KIF15: variants seen among roughly 807,000 people sequenced by gnomAD.
KIF15 encodes the protein kinesin family member 15, also known as kinesin-like protein KIF15.
A neutral mutation model predicts 190.6 loss-of-function variants in KIF15; 140 were observed. That is an observed-to-expected ratio of 0.73 (90% confidence interval 0.64 to 0.84). The LOEUF (loss-of-function observed/expected upper bound fraction) is 0.84, where lower values mean the gene tolerates loss of function less well. Ranked by LOEUF, KIF15 falls within the 40% of genes least tolerant of loss-of-function variation. The pLI, the probability that KIF15 is intolerant of heterozygous loss-of-function variation, is 0.00. For missense variants in KIF15, 1,372 were observed against 1,584.4 expected, an observed-to-expected ratio of 0.87 and a Z score of 2.28; for synonymous variants, 528 against 551.3, an observed-to-expected ratio of 0.96 and a Z score of 0.59.
chr3:44,835,011 A>G lies in KIF15; in HGVS notation c.3172-3264A>G, dbSNP rs898689668. Reference sequence around the variant, plus strand: ...TATAATTAAAATAATATATAATATTAAATAAACAGTTTAAAAACATAACAG... The same window carrying G: ...TATAATTAAAATAATATATAATATTGAATAAACAGTTTAAAAACATAACAG... On this transcript the variant is annotated intron_variant, in intron 26 of 34. Coordinates refer to ENST00000326047, the MANE Select transcript of KIF15 (RefSeq NM_020242.3). Among the ~76,000 whole-genome samples the G allele has an allele frequency of 1.0e-4, 15 of 149,902 alleles. No individual in the cohort carries two copies. The East Asian group carries it at 2.5e-3, about 25-fold the overall frequency.
chr3:44,845,652 A>G (rs992771198), intron 30 of KIF15, among the ~76,000 whole-genome samples: 2 of 152,154 alleles, frequency 1.3e-5, no homozygotes, highest in African/African-American at 4.8e-5. Context: ...CAAAACCCTA[A>G]CAAAGTGGAG....
chr3:44,767,621 C>T (rs1032721196), intron 1 of KIF15, among the ~76,000 whole-genome samples: 4 of 131,228 alleles, frequency 3.0e-5, no homozygotes, highest in East Asian at 2.2e-4. Context: ...CTCGGCTGGG[C>T]GTGGTGGCTC....
intron 6 of KIF15, among the ~76,000 whole-genome samples, chr3:44,860,048 G>A (rs1699223189): frequency 6.6e-6 from 1 of 152,160 alleles, no homozygotes; most frequent in South Asian, 2.1e-4. Flanking sequence ...GGCTAGCAGA[G>A]AAACAGACAA....
chr3:44,798,066 A>C, intron 10 of KIF15, 110 bp downstream of exon 10: 2 of 994,400 alleles, frequency 2.0e-6, no homozygotes, highest in Non-Finnish European at 2.8e-6. Flanking sequence ...TTTATTTCTC[A>C]TTGTATGCAA....
chr3:44,813,318 A>C, intron 19 of KIF15, 138 bp downstream of exon 19: 2 of 549,690 alleles, frequency 3.6e-6, no homozygotes, highest in Non-Finnish European at 3.1e-6. Context: ...ACCAGACTGC[A>C]GTTTGCATGC....
intron 24 of KIF15, among the ~76,000 whole-genome samples, chr3:44,829,669 T>A (rs1162835824): frequency 2.3e-5 from 3 of 132,172 alleles, no homozygotes; most frequent in Non-Finnish European, 4.6e-5. Context: ...TATGTATATA[T>A]AATATATGTA....
chr3:44,854,201 A>G (rs1699155352), downstream of KIF15, among the ~76,000 whole-genome samples: 1 of 152,128 alleles, frequency 6.6e-6, no homozygotes, highest in Admixed American at 6.6e-5. Context: ...CCTGGCCAAC[A>G]TGGCAAAACC....
At position 44,864,244 on chromosome 3, in the gene KIF15, C is replaced by G. The variant is rs1321734661; in HGVS notation, c.*60-9085C>G. 3.1e-6 allele frequency: 5 copies of G among 1,613,998 alleles called. No individual in the cohort carries two copies. In the South Asian group the frequency reaches 4.4e-5, roughly 14 times the overall value. ...TAGGCATTATTGTGATGGCGAGCAC[C>G]AATTCTCTGATGTGGACCTTCTTTA... On this transcript the variant is annotated intron_variant and NMD_transcript_variant, in intron 6 of 6. Coordinates refer to the KIF15 transcript ENST00000422209.
chr3:44,813,903 C>T (rs1707916541), intron 19 of KIF15, among the ~76,000 whole-genome samples: 2 of 152,174 alleles, frequency 1.3e-5, no homozygotes, highest in Non-Finnish European at 2.9e-5. Context: ...CAGGCGTGAG[C>T]CACTGTGCCC....
intron 30 of KIF15, among the ~76,000 whole-genome samples, chr3:44,844,340 G>A (rs1012434775): frequency 2.0e-5 from 3 of 152,174 alleles, no homozygotes; most frequent in African/African-American, 4.8e-5. Context: ...GGGCTGGAGC[G>A]AAGCCCAGAA....
intron 30 of KIF15, among the ~76,000 whole-genome samples, chr3:44,845,569 T>C (rs968371235): frequency 7.9e-5 from 12 of 152,090 alleles, no homozygotes; most frequent in Non-Finnish European, 1.3e-4. Flanking sequence ...GAGGCTACTA[T>C]GTTGCCAAAA....
intron 17 of KIF15, among the ~76,000 whole-genome samples, chr3:44,811,388 G>A (rs1247296254): frequency 1.3e-5 from 2 of 152,234 alleles, no homozygotes; most frequent in African/African-American, 4.8e-5. Flanking sequence ...GCTCACGCCT[G>A]TAATCCCAGC....
chr3:44,791,590 C>T (rs1251321436), intron 7 of KIF15, among the ~76,000 whole-genome samples: 4 of 152,198 alleles, frequency 2.6e-5, no homozygotes, highest in African/African-American at 2.4e-5. Flanking sequence ...AATCTATGAA[C>T]ACTCACCAGG....
At chr3:44,773,559 A>C (rs752076019) in intron 1 of KIF15, among the ~76,000 whole-genome samples, 6 of 152,232 alleles carry the variant, frequency 3.9e-5, no homozygotes, top group Admixed American at 2.6e-4. Flanking sequence ...GTGCCATTAC[A>C]GTCTCAAAAA....
chr3:44,845,131 G>A (rs1698785045), intron 30 of KIF15, among the ~76,000 whole-genome samples: 1 of 152,192 alleles, frequency 6.6e-6, no homozygotes, highest in Non-Finnish European at 1.5e-5. Flanking sequence ...GAATAAGATT[G>A]TCTCTCAGAA....
chr3:44,774,466 C>G (rs1367226831), intron 2 of KIF15, 29 bp downstream of exon 2: 1 of 1,570,622 alleles, frequency 6.4e-7, no homozygotes, highest in Non-Finnish European at 8.8e-7. Flanking sequence ...TCAATGAGCT[C>G]CCAAAGGACT....
chr3:44,839,378 A>C (rs1361757079), intron 27 of KIF15, among the ~76,000 whole-genome samples: 1 of 152,192 alleles, frequency 6.6e-6, no homozygotes, highest in Non-Finnish European at 1.5e-5. Flanking sequence ...ATCTCAAAAA[A>C]AAAAGAAAAG....
At chr3:44,824,987 T>C (rs751626795) in intron 20 of KIF15, among the ~76,000 whole-genome samples, 5 of 152,108 alleles carry the variant, frequency 3.3e-5, no homozygotes, top group Non-Finnish European at 5.9e-5. Context: ...TTCAAACCCC[T>C]GAGCTCAAGC....
intron 6 of KIF15, among the ~76,000 whole-genome samples, chr3:44,858,702 C>T (rs771601827): frequency 1.3e-5 from 2 of 152,148 alleles, no homozygotes; most frequent in African/African-American, 2.4e-5. Flanking sequence ...CATTAAAGAA[C>T]GTTGTCCAAG....
Sources: allele counts gnomAD v4.1 joint callset (sites outside exome capture counted in the v4.1 genomes callset), GRCh38; gene constraint gnomAD v4.1.1; transcripts MANE v1.5; gene names NCBI Gene and HGNC (gene_info 2026-07-23, HGNC 2026-07-21).